DOCK3: variants seen among roughly 807,000 people sequenced by gnomAD.
DOCK3 encodes dedicator of cytokinesis 3, also known as dedicator of cytokinesis protein 3.
Under a neutral mutation model 265.6 loss-of-function variants are expected in DOCK3, and 60 were observed. The observed-to-expected ratio is 0.23, with a 90% CI of 0.18 to 0.28. The LOEUF is 0.28. Among genes scored for constraint, DOCK3 ranks in the 10% least tolerant of loss-of-function variants. DOCK3 has a pLI of 1.00. For synonymous variants in DOCK3, 881 were observed against 938.0 expected, an observed-to-expected ratio of 0.94 and a Z score of 1.11; for missense variants, 1,981 against 2,594.3, an observed-to-expected ratio of 0.76 and a Z score of 5.14.
At chr3:50,706,093 A>G (rs1249428486) in intron 1 of DOCK3, among the ~76,000 whole-genome samples, 1 of 151,726 alleles carries the variant, frequency 6.6e-6, no homozygotes, top group Non-Finnish European at 1.5e-5. Flanking sequence ...CACCTTATGA[A>G]GAAGGCGCCT....
At chr3:50,755,353 T>G (rs2040094665) in intron 1 of DOCK3, among the ~76,000 whole-genome samples, 1 of 152,210 alleles carries the variant, frequency 6.6e-6, no homozygotes. Flanking sequence ...AACTGAACCT[T>G]TTTCTGCTCC....
intron 5 of DOCK3, among the ~76,000 whole-genome samples, chr3:50,966,176 A>C (rs1336814363): frequency 1.3e-5 from 2 of 152,160 alleles, no homozygotes; most frequent in East Asian, 3.8e-4. Context: ...TGATTGAATA[A>C]AATGTTATTG....
chr3:51,193,801 CTTT>C (rs36051516), intron 12 of DOCK3, among the ~76,000 whole-genome samples: 2 of 126,674 alleles, frequency 1.6e-5, no homozygotes, highest in African/African-American at 6.0e-5. Flanking sequence ...GGGCTTCTCT[CTTT>C]TTTTTTTTTT....
At chr3:51,044,167 G>A (rs979709566) in intron 5 of DOCK3, among the ~76,000 whole-genome samples, 1 of 152,110 alleles carries the variant, frequency 6.6e-6, no homozygotes, top group South Asian at 2.1e-4. Context: ...GCAAAGACAT[G>A]GGATCAACCT....
chr3:50,901,863 C>T (rs1377518319), intron 4 of DOCK3, among the ~76,000 whole-genome samples: 1 of 152,184 alleles, frequency 6.6e-6, no homozygotes, highest in Non-Finnish European at 1.5e-5. Flanking sequence ...GTTGAAATCA[C>T]CCACCTTATG....
chr3:51,358,166 A>T (rs1161757608), intron 46 of DOCK3, 89 bp downstream of exon 46: 27 of 1,372,214 alleles, frequency 2.0e-5, no homozygotes, highest in Non-Finnish European at 2.6e-5. Flanking sequence ...AAAATAGGAG[A>T]GAGGGAGCCT....
intron 3 of DOCK3, chr3:50,877,324 G>T (rs2047751025): frequency 1.0e-5 from 4 of 387,394 alleles, no homozygotes; most frequent in African/African-American, 2.1e-5. Flanking sequence ...CAATTTTCTT[G>T]GCCCTCAGTT....
chr3:51,046,789 A>G (rs2080792991), intron 5 of DOCK3, among the ~76,000 whole-genome samples: 1 of 152,140 alleles, frequency 6.6e-6, no homozygotes, highest in Non-Finnish European at 1.5e-5. Flanking sequence ...TTCCAAGTTC[A>G]TTCTCCAGGA....
At chr3:50,691,981 C>T (rs1425539463) in intron 1 of DOCK3, among the ~76,000 whole-genome samples, 1 of 149,564 alleles carries the variant, frequency 6.7e-6, no homozygotes, top group Non-Finnish European at 1.5e-5. Context: ...GTGGCACGAT[C>T]ATAGCTCACT....
At chr3:51,316,449 A>G (rs377720347) in intron 32 of DOCK3, among the ~76,000 whole-genome samples, 4 of 152,254 alleles carry the variant, frequency 2.6e-5, no homozygotes, top group East Asian at 3.8e-4. Context: ...TTTTGTATGC[A>G]TATAAGCTTT....
intron 3 of DOCK3, among the ~76,000 whole-genome samples, chr3:50,853,510 C>T (rs544756488): frequency 6.6e-6 from 1 of 152,224 alleles, no homozygotes; most frequent in East Asian, 1.9e-4. Context: ...TTTCCATCTT[C>T]ATGTTACGTG....
At chr3:51,150,179 G>A (rs1268168143) in intron 10 of DOCK3, among the ~76,000 whole-genome samples, 1 of 152,056 alleles carries the variant, frequency 6.6e-6, no homozygotes, top group Non-Finnish European at 1.5e-5. Context: ...TAGGATCGGT[G>A]ACGATATCCC....
chr3:50,872,527 TA>T (rs2047481828), intron 3 of DOCK3, among the ~76,000 whole-genome samples: 2 of 152,348 alleles, frequency 1.3e-5, no homozygotes, highest in African/African-American at 4.8e-5. Flanking sequence ...AGGCCTGTTG[TA>T]ACCACTCCCG....
intron 1 of DOCK3, among the ~76,000 whole-genome samples, chr3:50,713,825 G>T (rs2036927751): frequency 6.6e-6 from 1 of 152,038 alleles, no homozygotes. Flanking sequence ...CTCAATAAAT[G>T]ATGTTAGTCA....
chr3:50,694,671 C>T (rs545363052), intron 1 of DOCK3, among the ~76,000 whole-genome samples: 150 of 152,050 alleles, frequency 9.9e-4, no homozygotes, highest in African/African-American at 3.5e-3. Context: ...ATTTGCTGGG[C>T]GTGGTGGTGC....
chr3:51,254,060 T>C (rs1560293254), intron 22 of DOCK3, among the ~76,000 whole-genome samples: 1 of 152,230 alleles, frequency 6.6e-6, no homozygotes, highest in Non-Finnish European at 1.5e-5. Context: ...GGTTCTGTTC[T>C]GTTGTATCTT....
intron 9 of DOCK3, among the ~76,000 whole-genome samples, chr3:51,120,576 C>G (rs1036670121): frequency 2.6e-5 from 4 of 152,222 alleles, no homozygotes; most frequent in Non-Finnish European, 5.9e-5. Context: ...CCTGCCACTT[C>G]CCCCAGGTGC....
intron 5 of DOCK3, among the ~76,000 whole-genome samples, chr3:50,970,891 T>A (rs9818805): frequency 0.26 from 3,147 of 11,926 alleles, 979 homozygotes; most frequent in South Asian, 0.39. Context: ...CATCTAATTT[T>A]TATATATATA....
chr3:51,370,133 A>G (rs1415140606), intron 49 of DOCK3, among the ~76,000 whole-genome samples: 1 of 152,230 alleles, frequency 6.6e-6, no homozygotes, highest in African/African-American at 2.4e-5. Context: ...GCACACTGAA[A>G]GACGGCCTTG....
Sources: gnomAD v4.1 joint callset for allele counts (sites outside exome capture counted in the v4.1 genomes callset) on GRCh38, gnomAD v4.1.1 for gene constraint, MANE v1.5 for transcripts, NCBI Gene and HGNC (gene_info 2026-07-23, HGNC 2026-07-21) for gene names.